The following NOL10 variants were observed in gnomAD, a reference collection of about 807,000 sequenced individuals.
NOL10 encodes the protein nucleolar protein 10.
A neutral mutation model predicts 103.5 loss-of-function variants in NOL10; 58 were observed. The observed-to-expected ratio is 0.56, with a 90% confidence interval of 0.45 to 0.70. The LOEUF is 0.70. Among genes scored for constraint, NOL10 ranks in the 30% least tolerant of loss-of-function variants. NOL10 has a pLI of 0.00. For synonymous variants in NOL10, 287 were observed against 282.5 expected (o/e 1.02, Z -0.16); for missense variants, 763 against 807.3 (o/e 0.95, Z 0.67).
chr2:10,605,592 C>G (rs12692417), intron 14 of NOL10, among the ~76,000 whole-genome samples: 89,980 of 152,026 alleles, frequency 0.59, 27,644 homozygotes, highest in African/African-American at 0.74. Flanking sequence ...TTATATAACT[C>G]CTTTTTTCAC....
At chr2:10,630,944 G>C (rs1467606310) in intron 13 of NOL10, among the ~76,000 whole-genome samples, 5 of 152,140 alleles carry the variant, frequency 3.3e-5, no homozygotes, top group African/African-American at 1.2e-4. Context: ...AAATTCCCTA[G>C]GGAAGAGTTT....
chr2:10,638,571 A>G (rs1177378092), intron 13 of NOL10, among the ~76,000 whole-genome samples: 2 of 130,644 alleles, frequency 1.5e-5, no homozygotes, highest in East Asian at 4.5e-4. Context: ...AGCTCACTGC[A>G]ACCTCCGCTT....
chr2:10,654,590 C>T, intron 11 of NOL10, 43 bp from the exon 12 acceptor site: 3 of 1,366,638 alleles, frequency 2.2e-6, no homozygotes, highest in Non-Finnish European at 3.1e-6. Context: ...AGTTAAAGAA[C>T]AACAACTTTG....
intron 19 of NOL10, among the ~76,000 whole-genome samples, chr2:10,580,714 T>C (rs1195167419): frequency 6.6e-6 from 1 of 152,050 alleles, no homozygotes; most frequent in Non-Finnish European, 1.5e-5. Flanking sequence ...CTAATTTACT[T>C]TGGGGTTTTA....
intron 20 of NOL10, among the ~76,000 whole-genome samples, chr2:10,576,253 T>C (rs1162489569): frequency 6.6e-6 from 1 of 152,182 alleles, no homozygotes; most frequent in African/African-American, 2.4e-5. Flanking sequence ...CCTGCAACCC[T>C]CATACGCTGC....
At chr2:10,653,082 T>C (rs1318672402) in intron 12 of NOL10, among the ~76,000 whole-genome samples, 1 of 151,426 alleles carries the variant, frequency 6.6e-6, no homozygotes, top group East Asian at 2.0e-4. Context: ...TGTAGTCCCA[T>C]CTACTCAGGA....
intron 13 of NOL10, among the ~76,000 whole-genome samples, chr2:10,629,949 A>T (rs1297063183): frequency 6.6e-6 from 1 of 152,178 alleles, no homozygotes; most frequent in African/African-American, 2.4e-5. Flanking sequence ...CACCATGCCC[A>T]GCTAATTTTT....
chr2:10,687,190 C>A (rs985525522), intron 1 of NOL10, among the ~76,000 whole-genome samples: 1 of 152,120 alleles, frequency 6.6e-6, no homozygotes, highest in Non-Finnish European at 1.5e-5. Context: ...AAATATTAAA[C>A]AGGACAAGCA....
At chr2:10,630,416 T>G (rs905360776) in intron 13 of NOL10, among the ~76,000 whole-genome samples, 2 of 152,122 alleles carry the variant, frequency 1.3e-5, no homozygotes, top group Non-Finnish European at 2.9e-5. Flanking sequence ...CATTTGACCT[T>G]AAACAATAAC....
chr2:10,629,260 CAG>C (rs1254112825), intron 13 of NOL10, among the ~76,000 whole-genome samples: 1 of 152,012 alleles, frequency 6.6e-6, no homozygotes, highest in African/African-American at 2.4e-5. Flanking sequence ...GAAAATGTAA[CAG>C]AAATGTTGGC....
At chr2:10,673,807 TATA>T (rs1452042710) in intron 4 of NOL10, among the ~76,000 whole-genome samples, 2 of 152,038 alleles carry the variant, frequency 1.3e-5, no homozygotes, top group Non-Finnish European at 2.9e-5. Flanking sequence ...ATTCACAAAA[TATA>T]ATGACTTCTA....
In NOL10 at chr2:10,607,263, C is replaced by T. The variant is rs202026531; in HGVS notation, c.1075G>A (p.Glu359Lys). The change falls in exon 14 of 21, where the codon GAA (glutamate) becomes AAA (lysine). Residue 359 changes from glutamate (E) to lysine (K), a missense_variant. Glu to Lys is a moderately conservative substitution (Grantham distance 56). Coordinates refer to ENST00000381685, the MANE Select transcript of NOL10 (RefSeq NM_024894.4). ...CTTTCTGGATTCTCTTCTAATTCTT[C>T]GGTCAAGTTGTCTAAGAAGGAACAC... ...RWCSFLDNLT[E>K]ELEENPESTV... 12 of 1,608,082 alleles carry T rather than the reference C, an allele frequency of 7.5e-6. No homozygotes were observed. The South Asian group carries it at 8.9e-5, about 12-fold the overall frequency.
intron 17 of NOL10, among the ~76,000 whole-genome samples, chr2:10,594,260 A>G (rs1675549752): frequency 6.6e-6 from 1 of 152,190 alleles, no homozygotes; most frequent in South Asian, 2.1e-4. Flanking sequence ...GCAGCATTTA[A>G]GGGGAATTGG....
At chr2:10,677,961 GCACACACACA>G (rs60219622) in intron 3 of NOL10, among the ~76,000 whole-genome samples, 5,205 of 149,050 alleles carry the variant, frequency 0.035, 173 homozygotes, top group African/African-American at 0.085. Flanking sequence ...AATTTTATGT[GCACACACACA>G]CACACACACA....
At chr2:10,577,506 G>C in intron 20 of NOL10, 130 bp downstream of exon 20, 3 of 677,890 alleles carry the variant, frequency 4.4e-6, no homozygotes, top group Non-Finnish European at 2.5e-6. Context: ...GAAAATGTTA[G>C]AACAGGGAAC....
chr2:10,629,577 G>A (rs938552128), intron 13 of NOL10, among the ~76,000 whole-genome samples: 4 of 152,238 alleles, frequency 2.6e-5, no homozygotes, highest in South Asian at 2.1e-4. Flanking sequence ...CAAAGAGTGC[G>A]CCTTGATGAT....
intron 6 of NOL10, among the ~76,000 whole-genome samples, chr2:10,671,326 C>G (rs1419813424): frequency 1.3e-5 from 2 of 151,558 alleles, no homozygotes; most frequent in African/African-American, 2.4e-5. Context: ...AGCAAAACAA[C>G]AGTTGTTAAA....
In NOL10 at chr2:10,684,616, A is replaced by G. The variant is rs899871403; in HGVS notation, c.67-4T>C. 78 of 1,560,616 alleles carry G rather than the reference A, an allele frequency of 5.0e-5. No individual in the cohort carries two copies. The highest frequency in any genetic ancestry group is 6.4e-5 in the Non-Finnish European group (74 of 1,150,974). ...TCTTCTTCCTATCAGAAAGCCACTT[A>G]AAGAAAATGAAGAGAGTTTATTTTA... On this transcript the variant is annotated splice_polypyrimidine_tract_variant and splice_region_variant and intron_variant, in intron 1 of 20. Coordinates refer to ENST00000381685, the MANE Select transcript of NOL10 (RefSeq NM_024894.4).
intron 4 of NOL10, among the ~76,000 whole-genome samples, chr2:10,675,504 T>C (rs1267779126): frequency 1.3e-5 from 2 of 152,090 alleles, no homozygotes; most frequent in Admixed American, 1.3e-4. Flanking sequence ...CAGTCAATTC[T>C]AAAAGAACTA....
Sources: allele counts gnomAD v4.1 joint callset (sites outside exome capture counted in the v4.1 genomes callset), GRCh38; gene constraint gnomAD v4.1.1; transcripts MANE v1.5; gene names NCBI Gene and HGNC (gene_info 2026-07-23, HGNC 2026-07-21).